KIF13A: variants seen among roughly 807,000 people sequenced by gnomAD.
KIF13A encodes kinesin family member 13A, also known as kinesin-like protein KIF13A.
Under a neutral mutation model 212.2 loss-of-function variants are expected in KIF13A, and 79 were observed. The observed-to-expected ratio is 0.37, with a 90% CI of 0.31 to 0.45. The LOEUF (loss-of-function observed/expected upper bound fraction) is 0.45, where lower values mean the gene tolerates loss of function less well. Ranked by LOEUF, KIF13A falls within the 20% of genes least tolerant of loss-of-function variation. KIF13A has a pLI of 1.00. For missense variants in KIF13A, 1,901 were observed against 2,209.0 expected, an observed-to-expected ratio of 0.86 and a Z score of 2.79; for synonymous variants, 789 against 808.6, an observed-to-expected ratio of 0.98 and a Z score of 0.41.
In KIF13A at chr6:17,828,591, A is replaced by C. The variant is rs1223846186; in HGVS notation, c.1402-221T>G. On this transcript the variant is annotated intron_variant, in intron 13 of 38. Coordinates refer to ENST00000259711, the MANE Select transcript of KIF13A (RefSeq NM_022113.6). The surrounding 1 kb of genome is among the most constrained non-coding windows in gnomAD (Gnocchi z 4.3). ...ACACTACCAAAAAAAATCCCCAATC[A>C]ACAATGATTAGTTATTGTTTTTAAC... Among the ~76,000 whole-genome samples, 1 of 152,214 alleles carries C rather than the reference A, an allele frequency of 6.6e-6. No individual in the cohort carries two copies. The highest frequency in any genetic ancestry group is 1.5e-5 in the Non-Finnish European group (1 of 68,038).
rs1412750740 is a variant in KIF13A at position 17,895,009 on chromosome 6, T to G, written c.159+3159A>C. 6.6e-6 allele frequency among the ~76,000 whole-genome samples: 1 copy of G among 152,320 alleles called. No homozygotes were observed. Among genetic ancestry groups the G allele is most frequent in the Middle Eastern group, 3.4e-3 (1 of 294 alleles). ...GACCAGCTAGGCATTTGGATCTTCC[T>G]AAGAAAGGATTAAAAACAGCTGGAT... On this transcript the variant is annotated intron_variant, in intron 3 of 38. Transcript: ENST00000259711. This position sits in a 1 kb window ranked among gnomAD's most constrained non-coding sequence, Gnocchi z 4.4.
intron 12 of KIF13A, among the ~76,000 whole-genome samples, chr6:17,831,823 C>CTCAT (rs1378753789): frequency 5.3e-5 from 8 of 150,858 alleles, no homozygotes; most frequent in Non-Finnish European, 1.2e-4. Flanking sequence ...CTTGTATTCA[C>CTCAT]TCATTCATTC....
At chr6:17,780,623 G>T in intron 31 of KIF13A, 107 bp downstream of exon 31, 2 of 1,023,648 alleles carry the variant, frequency 2.0e-6, no homozygotes, top group Non-Finnish European at 2.9e-6. Flanking sequence ...GGCCAGGATG[G>T]TCATGTTTTG....
Position 17,895,667 on chromosome 6 carries a change from T to C in KIF13A, c.159+2501A>G, listed in dbSNP as rs1372246801. Reference sequence around the variant, plus strand: ...TGTCCTCCTCAGCCCCACAAAGCAGTCAGCAATATGCATTTGCTCTGTCTT... The same window carrying C: ...TGTCCTCCTCAGCCCCACAAAGCAGCCAGCAATATGCATTTGCTCTGTCTT... On this transcript the variant is annotated intron_variant, in intron 3 of 38. Coordinates refer to ENST00000259711, the MANE Select transcript of KIF13A (RefSeq NM_022113.6). The surrounding 1 kb of genome is among the most constrained non-coding windows in gnomAD (Gnocchi z 4.4). Among the ~76,000 whole-genome samples, 1 of 152,194 alleles carries C rather than the reference T, an allele frequency of 6.6e-6. No individual in the cohort carries two copies. Among genetic ancestry groups the C allele is most frequent in the Non-Finnish European group, 1.5e-5 (1 of 68,024 alleles).
intron 17 of KIF13A, among the ~76,000 whole-genome samples, chr6:17,810,711 T>C (rs74942544): frequency 0.025 from 3,871 of 152,270 alleles, 74 homozygotes; most frequent in Non-Finnish European, 0.04. Context: ...GGGGTGTTGG[T>C]AGACAGTGAT....
intron 2 of KIF13A, among the ~76,000 whole-genome samples, chr6:17,935,972 T>C (rs1776425324): frequency 6.6e-6 from 1 of 152,198 alleles, no homozygotes; most frequent in Non-Finnish European, 1.5e-5. Context: ...AGGTTTTTTT[T>C]CTTAACGAAA....
intron 19 of KIF13A, 24 bp downstream of exon 19, chr6:17,805,451 T>G: frequency 6.2e-7 from 1 of 1,606,286 alleles, no homozygotes; most frequent in Non-Finnish European, 8.5e-7. Context: ...TAACAAAATC[T>G]CCATTACATT....
In KIF13A at chr6:17,850,265, T is replaced by C. The variant is rs79667799; in HGVS notation, c.717+58A>G. On this transcript the variant is annotated intron_variant, in intron 8 of 38. Coordinates refer to ENST00000259711, the MANE Select transcript of KIF13A (RefSeq NM_022113.6). This position sits in a 1 kb window ranked among gnomAD's most constrained non-coding sequence, Gnocchi z 6.2. ...ACCCAACCATGAAAGACTTTACCTA[T>C]ATGGACACTTTCAGTTCTTCCACCC... 2.6e-6 allele frequency: 4 copies of C among 1,527,936 alleles called. No individual in the cohort carries two copies. The highest frequency in any genetic ancestry group is 4.6e-5 in the East Asian group (2 of 43,528). The allele number at this position is 1,527,936 out of a possible 1,614,324, so 94.6% of individuals were successfully genotyped here.
intron 2 of KIF13A, among the ~76,000 whole-genome samples, chr6:17,958,168 A>T (rs1778513995): frequency 6.6e-6 from 1 of 152,186 alleles, no homozygotes; most frequent in Non-Finnish European, 1.5e-5. Flanking sequence ...AGGCACAAGG[A>T]GGGTTTTACT....
chr6:17,932,276 T>C (rs903956622), intron 2 of KIF13A, among the ~76,000 whole-genome samples: 137 of 152,310 alleles, frequency 9.0e-4, no homozygotes, highest in African/African-American at 3.1e-3. Context: ...CACCTAAATA[T>C]TGCATAAATA....
At chr6:17,873,462 A>C in intron 3 of KIF13A, 25 bp from the exon 4 acceptor site, 1 of 1,471,870 alleles carries the variant, frequency 6.8e-7, no homozygotes, top group Non-Finnish European at 9.3e-7. Flanking sequence ...AAAATATTAA[A>C]CTTAAAGATT....
At position 17,934,466 on chromosome 6, in the gene KIF13A, A is replaced by C. The variant is rs1776282691; in HGVS notation, c.147-36286T>G. Among the ~76,000 whole-genome samples, 1 of 152,268 alleles carries C rather than the reference A, an allele frequency of 6.6e-6. No homozygotes were observed. Among genetic ancestry groups the C allele is most frequent in the East Asian group, 1.9e-4 (1 of 5,184 alleles). Reference sequence around the variant, plus strand: ...CAGGTAGTATTCTAAAATCATAAATACAGAATCCCCAATAATATCATAATA... The same window carrying C: ...CAGGTAGTATTCTAAAATCATAAATCCAGAATCCCCAATAATATCATAATA... On this transcript the variant is annotated intron_variant, in intron 2 of 38. Coordinates refer to ENST00000259711, the MANE Select transcript of KIF13A (RefSeq NM_022113.6). This position sits in a 1 kb window ranked among gnomAD's most constrained non-coding sequence, Gnocchi z 5.4.
rs1279802978 is a variant in KIF13A at position 17,857,773 on chromosome 6, C to A, written c.221-1651G>T. Among the ~76,000 whole-genome samples the A allele has an allele frequency of 2.0e-5, 3 of 152,296 alleles. No homozygotes were observed. In the Middle Eastern group the frequency reaches 0.01, roughly 518 times the overall value. ...GCATCTATAAAAGGGAATATGCCTACACTGCCTGACCCACTGTGAAGCATC... is the reference window on the plus strand; with the variant it reads ...GCATCTATAAAAGGGAATATGCCTAAACTGCCTGACCCACTGTGAAGCATC... On this transcript the variant is annotated intron_variant, in intron 4 of 38. Coordinates refer to ENST00000259711, the MANE Select transcript of KIF13A (RefSeq NM_022113.6).
At chr6:17,902,648 C>T (rs1185343766) in intron 2 of KIF13A, among the ~76,000 whole-genome samples, 1 of 152,164 alleles carries the variant, frequency 6.6e-6, no homozygotes, top group Non-Finnish European at 1.5e-5. Flanking sequence ...CAAGGCTCAG[C>T]TCTCTCAATT....
chr6:17,855,640 A>G lies in KIF13A; in HGVS notation c.314-23T>C. On this transcript the variant is annotated intron_variant, in intron 5 of 38. Coordinates refer to ENST00000259711, the MANE Select transcript of KIF13A (RefSeq NM_022113.6). The surrounding 1 kb of genome is among the most constrained non-coding windows in gnomAD (Gnocchi z 4.1). ...AACCTGGAGAACAGCAAGGAAAAAGAAGAACAGGTAGAGGAGGGAGCAAAA... is the reference window on the plus strand; with the variant it reads ...AACCTGGAGAACAGCAAGGAAAAAGGAGAACAGGTAGAGGAGGGAGCAAAA... The G allele has an allele frequency of 6.3e-7, 1 of 1,577,974 alleles. No homozygotes were observed. The highest frequency in any genetic ancestry group is 8.6e-7 in the Non-Finnish European group (1 of 1,162,314).
intron 26 of KIF13A, among the ~76,000 whole-genome samples, chr6:17,788,221 A>T (rs1223468589): frequency 2.0e-5 from 3 of 152,176 alleles, no homozygotes; most frequent in African/African-American, 7.2e-5. Flanking sequence ...TCCCAAACAG[A>T]AGGACAGCAT....
intron 2 of KIF13A, among the ~76,000 whole-genome samples, chr6:17,959,008 G>A (rs1581858218): frequency 6.7e-6 from 1 of 149,522 alleles, no homozygotes; most frequent in East Asian, 2.0e-4. Context: ...AGCCTCCCAC[G>A]TAGCTCCCAA....
At position 17,843,948 on chromosome 6, in the gene KIF13A, G is replaced by A. The variant is rs539231839; in HGVS notation, c.830+5429C>T. 2.6e-5 allele frequency among the ~76,000 whole-genome samples: 4 copies of A among 151,902 alleles called. No homozygotes were observed. Among genetic ancestry groups the A allele is most frequent in the Non-Finnish European group, 5.9e-5 (4 of 67,996 alleles). On this transcript the variant is annotated intron_variant, in intron 9 of 38. Transcript: ENST00000259711. This position sits in a 1 kb window ranked among gnomAD's most constrained non-coding sequence, Gnocchi z 5.3. ...TAATCCCAGCTACTCGGGAGGCTGA[G>A]GCAGGAGAATCACTTGAACCCAGGA...
At chr6:17,827,958 T>C (rs1044171233) in intron 14 of KIF13A, among the ~76,000 whole-genome samples, 1 of 152,246 alleles carries the variant, frequency 6.6e-6, no homozygotes, top group African/African-American at 2.4e-5. Context: ...TGAGTTTTCA[T>C]TTTCCAATAA....
Sources: allele counts gnomAD v4.1 joint callset (sites outside exome capture counted in the v4.1 genomes callset), GRCh38; gene constraint gnomAD v4.1.1; non-coding constraint Gnocchi (gnomAD v3.1); transcripts MANE v1.5; gene names NCBI Gene and HGNC (gene_info 2026-07-23, HGNC 2026-07-21).